Variants in PLCB4 observed in about 807,000 individuals in gnomAD.
The protein encoded by PLCB4 is 1-phosphatidylinositol 4,5-bisphosphate phosphodiesterase beta-4.
PLCB4 carries 77 observed loss-of-function variants against 178.8 expected under a neutral mutation model. That is an observed-to-expected ratio of 0.43 (90% CI 0.36 to 0.52). The LOEUF is 0.52. Among genes scored for constraint, PLCB4 ranks in the 20% least tolerant of loss-of-function variants. The pLI, the probability that PLCB4 is intolerant of heterozygous loss-of-function variation, is 0.00. For synonymous variants in PLCB4, 496 were observed against 490.8 expected (o/e 1.01, Z -0.14); for missense variants, 1,024 against 1,453.4 (o/e 0.70, Z 4.80).
At chr20:9,264,902 C>T (rs1042208809) in intron 3 of PLCB4, among the ~76,000 whole-genome samples, 4 of 152,210 alleles carry the variant, frequency 2.6e-5, no homozygotes, top group African/African-American at 9.6e-5. Context: ...ATCCTGTCGA[C>T]CGTTTACCAA....
chr20:9,107,112 G>A (rs1193661046), intron 2 of PLCB4, among the ~76,000 whole-genome samples: 11 of 152,168 alleles, frequency 7.2e-5, no homozygotes, highest in Admixed American at 3.3e-4. Context: ...CTGTCCCTTC[G>A]ATTAGTTGTG....
chr20:9,189,905 T>C (rs1490768430), intron 2 of PLCB4, among the ~76,000 whole-genome samples: 2 of 152,136 alleles, frequency 1.3e-5, no homozygotes, highest in African/African-American at 4.8e-5. Context: ...ACTGTTACAC[T>C]AGGGATTAGG....
intron 2 of PLCB4, among the ~76,000 whole-genome samples, chr20:9,168,818 T>A (rs2093015845): frequency 6.6e-6 from 1 of 152,156 alleles, no homozygotes; most frequent in Non-Finnish European, 1.5e-5. Context: ...GTGTGGCTTG[T>A]TTTCTCTGGT....
intron 2 of PLCB4, among the ~76,000 whole-genome samples, chr20:9,139,624 T>G (rs2092448553): frequency 6.6e-6 from 1 of 152,114 alleles, no homozygotes; most frequent in African/African-American, 2.4e-5. Flanking sequence ...CAGTGCATTC[T>G]GTCAAAGCAG....
chr20:9,331,256 A>G (rs1479096911), intron 4 of PLCB4, among the ~76,000 whole-genome samples: 1 of 151,836 alleles, frequency 6.6e-6, no homozygotes, highest in East Asian at 2.0e-4. Context: ...CTACGTCCTA[A>G]TGTATCTGTC....
chr20:9,127,234 G>A (rs1460966850), intron 2 of PLCB4, among the ~76,000 whole-genome samples: 1 of 152,116 alleles, frequency 6.6e-6, no homozygotes, highest in Non-Finnish European at 1.5e-5. Flanking sequence ...CAGGCAGCAG[G>A]TCCGGGAGCC....
intron 1 of PLCB4, among the ~76,000 whole-genome samples, chr20:9,070,363 C>T (rs907335396): frequency 2.0e-5 from 3 of 152,032 alleles, no homozygotes; most frequent in African/African-American, 4.8e-5. Context: ...GTTTTCAAGA[C>T]GGCTGTTTTC....
chr20:9,218,491 T>C (rs1488237453), intron 3 of PLCB4, among the ~76,000 whole-genome samples: 2 of 152,232 alleles, frequency 1.3e-5, no homozygotes, highest in East Asian at 1.9e-4. Flanking sequence ...GGTCATTTTA[T>C]AGTAATGGCG....
At chr20:9,301,191 A>T (rs1476690565) in intron 3 of PLCB4, among the ~76,000 whole-genome samples, 3 of 151,824 alleles carry the variant, frequency 2.0e-5, no homozygotes, top group Non-Finnish European at 4.4e-5. Flanking sequence ...TCTTTCGCTT[A>T]ATCTCATCTG....
intron 32 of PLCB4, among the ~76,000 whole-genome samples, chr20:9,445,937 C>T (rs1418654413): frequency 6.6e-6 from 1 of 152,180 alleles, no homozygotes; most frequent in African/African-American, 2.4e-5. Flanking sequence ...TTTTATTGAG[C>T]AGACACCTCA....
Position 9,468,809 on chromosome 20 carries a change from T to A in PLCB4, c.3350+137T>A, listed in dbSNP as rs550410363. ...CTTTTGACTAGGAATTCTGCTATTA[T>A]AACTGCAATGGAGATTTGTTATTAT... is the stretch of plus-strand genomic sequence containing the variant. On this transcript the variant is annotated intron_variant, in intron 36 of 39. Transcript: ENST00000378473. The A allele has an allele frequency of 2.5e-5, 14 of 564,456 alleles. No homozygotes were observed. In the South Asian group the frequency reaches 3.5e-4, roughly 14 times the overall value. The allele number at this position is 564,456 out of a possible 1,614,324, so 35.0% of individuals were successfully genotyped here.
At chr20:9,218,006 G>C (rs540551653) in intron 3 of PLCB4, among the ~76,000 whole-genome samples, 1 of 152,300 alleles carries the variant, frequency 6.6e-6, no homozygotes, top group Non-Finnish European at 1.5e-5. Context: ...TGGCTGATTT[G>C]TTTTATTTAT....
chr20:9,423,590 C>T (rs930464812), intron 27 of PLCB4, among the ~76,000 whole-genome samples, 158 bp from the exon 28 acceptor site: 3 of 152,186 alleles, frequency 2.0e-5, no homozygotes, highest in African/African-American at 7.2e-5. Context: ...GGCACTGTAG[C>T]TCATGCAGTA....
intron 3 of PLCB4, among the ~76,000 whole-genome samples, chr20:9,232,883 A>T (rs181260694): frequency 2.6e-5 from 4 of 152,258 alleles, no homozygotes; most frequent in Admixed American, 2.6e-4. Flanking sequence ...CGATAGTTTA[A>T]AAGATAAAGC....
At chr20:9,072,322 T>C (rs2146463843) in intron 1 of PLCB4, among the ~76,000 whole-genome samples, 1 of 152,262 alleles carries the variant, frequency 6.6e-6, no homozygotes. Context: ...TATTCCTTAG[T>C]ATTTGTTTGT....
chr20:9,211,827 C>T (rs1452353430), intron 2 of PLCB4, among the ~76,000 whole-genome samples: 2 of 152,160 alleles, frequency 1.3e-5, no homozygotes, highest in Non-Finnish European at 2.9e-5. Flanking sequence ...TCTCCATGTA[C>T]CATTGTAAAA....
intron 29 of PLCB4, 106 bp downstream of exon 29, chr20:9,435,754 G>A: frequency 1.5e-6 from 1 of 674,362 alleles, no homozygotes; most frequent in Non-Finnish European, 2.6e-6. Context: ...TTTAAGGAGG[G>A]TTTTTAAAAC....
intron 7 of PLCB4, among the ~76,000 whole-genome samples, chr20:9,348,130 G>A (rs2033990600): frequency 6.6e-6 from 1 of 152,200 alleles, no homozygotes; most frequent in African/African-American, 2.4e-5. Flanking sequence ...ACATCATCAT[G>A]ACACCAGGAG....
At chr20:9,476,896 C>T in intron 39 of PLCB4, 143 bp downstream of exon 39, 2 of 602,758 alleles carry the variant, frequency 3.3e-6, no homozygotes, top group Non-Finnish European at 5.9e-6. Context: ...CTATTCCATG[C>T]TTGGATTTCT....
Sources: gnomAD v4.1 joint callset for allele counts (sites outside exome capture counted in the v4.1 genomes callset) on GRCh38, gnomAD v4.1.1 for gene constraint, MANE v1.5 for transcripts, NCBI Gene and HGNC (gene_info 2026-07-23, HGNC 2026-07-21) for gene names.